NCOA7: variants seen among roughly 807,000 people sequenced by gnomAD.
NCOA7 encodes nuclear receptor coactivator 7.
In NCOA7, 45 loss-of-function variants were observed where a neutral mutation model predicts 104.3. The observed-to-expected ratio is 0.43, with a 90% CI of 0.34 to 0.55. The LOEUF is 0.55. Ranked by LOEUF, NCOA7 falls within the 20% of genes least tolerant of loss-of-function variation. The probability of loss-of-function intolerance (pLI) is 0.02; values close to 1 mark genes in which losing one functional copy is unlikely to be tolerated. For synonymous variants in NCOA7, 398 were observed against 402.3 expected, an observed-to-expected ratio of 0.99 and a Z score of 0.13; for missense variants, 1,041 against 1,119.7, an observed-to-expected ratio of 0.93 and a Z score of 1.00.
At chr6:125,886,164 GAAAA>G (rs57159294) in intron 8 of NCOA7, among the ~76,000 whole-genome samples, 1 of 115,932 alleles carries the variant, frequency 8.6e-6, no homozygotes, top group Non-Finnish European at 1.8e-5. Flanking sequence ...GGGCTTATAT[GAAAA>G]AAAAAAAAAA....
chr6:125,905,167 G>A (rs1229891713), intron 10 of NCOA7, among the ~76,000 whole-genome samples: 5 of 152,190 alleles, frequency 3.3e-5, no homozygotes, highest in South Asian at 2.1e-4. Flanking sequence ...AGGTTAAAAC[G>A]GGTGATGACT....
intron 2 of NCOA7, 60 bp downstream of exon 2, chr6:125,815,464 T>C: frequency 7.3e-7 from 1 of 1,372,834 alleles, no homozygotes; most frequent in Non-Finnish European, 1.0e-6. Context: ...GAGGGGACTT[T>C]GTCCTCAAGT....
In NCOA7 at chr6:125,928,037, A is replaced by G. The variant is rs988330977; in HGVS notation, c.2620-137A>G. On this transcript the variant is annotated intron_variant, in intron 14 of 15. Coordinates refer to ENST00000392477, the MANE Select transcript of NCOA7 (RefSeq NM_181782.5). Reference sequence around the variant, plus strand: ...GGGAGATCTCATCCTGGTGTGGGCCAGGTCTGGCAGTCAGGAACTTCCTCC... The same window carrying G: ...GGGAGATCTCATCCTGGTGTGGGCCGGGTCTGGCAGTCAGGAACTTCCTCC... 9 of 827,658 alleles carry G rather than the reference A, an allele frequency of 1.1e-5. No homozygotes were observed. In the African/African-American group the frequency reaches 1.2e-4, roughly 11 times the overall value. The allele number at this position is 827,658 out of a possible 1,614,324, so 51.3% of individuals were successfully genotyped here.
rs1308499145 is a variant in NCOA7 at position 125,894,002 on chromosome 6, T to G, written c.2096+3192T>G. On this transcript the variant is annotated intron_variant, in intron 10 of 15. Coordinates refer to ENST00000392477, the MANE Select transcript of NCOA7 (RefSeq NM_181782.5). ...TGGTGTGCTGGGGAGATCTGCAGTT[T>G]CCACAACTCTACTTATAAACCTGGG... 2.0e-5 allele frequency among the ~76,000 whole-genome samples: 3 copies of G among 152,320 alleles called. No individual in the cohort carries two copies. The East Asian group carries it at 5.8e-4, about 29-fold the overall frequency.
At chr6:125,823,509 T>G (rs1778387657) in intron 2 of NCOA7, among the ~76,000 whole-genome samples, 1 of 152,238 alleles carries the variant, frequency 6.6e-6, no homozygotes, top group Non-Finnish European at 1.5e-5. Context: ...TTAAGGCTTA[T>G]ATTTTGTATT....
intron 2 of NCOA7, among the ~76,000 whole-genome samples, chr6:125,838,340 A>G (rs1779808945): frequency 6.6e-6 from 1 of 152,140 alleles, no homozygotes; most frequent in African/African-American, 2.4e-5. Flanking sequence ...TAGTCTTGTT[A>G]TACAGATGAA....
chr6:125,882,605 A>C, intron 7 of NCOA7, 54 bp downstream of exon 7: 1 of 1,582,162 alleles, frequency 6.3e-7, no homozygotes. Flanking sequence ...AAAACTAAAC[A>C]AAGTTACAAA....
At chr6:125,822,160 T>C (rs1447816784) in intron 2 of NCOA7, among the ~76,000 whole-genome samples, 2 of 152,264 alleles carry the variant, frequency 1.3e-5, no homozygotes, top group Non-Finnish European at 2.9e-5. Flanking sequence ...TCTTAAATCA[T>C]CTTTAGTATG....
At chr6:125,881,066 C>A in intron 5 of NCOA7, 24 bp from the exon 6 acceptor site, 1 of 1,484,998 alleles carries the variant, frequency 6.7e-7, no homozygotes, top group Non-Finnish European at 9.4e-7. Flanking sequence ...TGGTACTCAC[C>A]CATCTGTTCT....
intron 3 of NCOA7, among the ~76,000 whole-genome samples, chr6:125,866,914 A>G (rs992180461): frequency 2.0e-5 from 3 of 152,220 alleles, no homozygotes; most frequent in African/African-American, 7.2e-5. Context: ...ATGGTTTTCA[A>G]TTTGGAAACT....
At chr6:125,818,182 C>T (rs981063725) in intron 2 of NCOA7, among the ~76,000 whole-genome samples, 3 of 152,016 alleles carry the variant, frequency 2.0e-5, no homozygotes, top group African/African-American at 7.2e-5. Context: ...ATAGTGCCTT[C>T]TCAGCCTGAA....
intron 2 of NCOA7, among the ~76,000 whole-genome samples, chr6:125,842,246 C>T (rs1001349012): frequency 6.6e-6 from 1 of 152,168 alleles, no homozygotes; most frequent in African/African-American, 2.4e-5. Flanking sequence ...AATATTTCTA[C>T]AGTTTAAGTA....
intron 10 of NCOA7, among the ~76,000 whole-genome samples, chr6:125,893,176 A>G (rs1428173439): frequency 6.6e-6 from 1 of 152,092 alleles, no homozygotes; most frequent in Non-Finnish European, 1.5e-5. Flanking sequence ...GGATGTTTCT[A>G]CTTGCCTTTC....
chr6:125,916,421 C>T (rs1407773695), intron 11 of NCOA7, among the ~76,000 whole-genome samples: 1 of 152,186 alleles, frequency 6.6e-6, no homozygotes, highest in Admixed American at 6.5e-5. Context: ...TCCCTTCATC[C>T]AGTCAGGCAA....
At chr6:125,883,688 CTCTTTCCCCTAACCACCTACACCTCTTTT>C in intron 7 of NCOA7, among the ~76,000 whole-genome samples, 1 of 148,138 alleles carries the variant, frequency 6.8e-6, no homozygotes, top group East Asian at 2.0e-4. Flanking sequence ...CCCCATCCTT[CTCTTTCCCCTAACCACCTACACCTCTTTT>C]TTTTTTTTTT....
At chr6:125,805,245 G>A (rs1776337101) in intron 1 of NCOA7, among the ~76,000 whole-genome samples, 1 of 151,778 alleles carries the variant, frequency 6.6e-6, no homozygotes, top group Non-Finnish European at 1.5e-5. Context: ...ACAGGAATGC[G>A]CCATCATGCT....
chr6:125,845,833 C>G (rs28643325), intron 2 of NCOA7, among the ~76,000 whole-genome samples: 2 of 152,110 alleles, frequency 1.3e-5, no homozygotes, highest in Non-Finnish European at 2.9e-5. Context: ...ATACATCCAC[C>G]GAACCTGTAT....
intron 3 of NCOA7, among the ~76,000 whole-genome samples, chr6:125,861,746 G>C (rs1782065933): frequency 6.6e-6 from 1 of 152,030 alleles, no homozygotes; most frequent in Non-Finnish European, 1.5e-5. Context: ...GAATGAAAGT[G>C]ATAAGAGAAG....
intron 10 of NCOA7, among the ~76,000 whole-genome samples, chr6:125,892,228 G>GT: frequency 6.6e-6 from 1 of 151,916 alleles, no homozygotes. Context: ...AGACAATTGT[G>GT]TTTTTTTCAA....
Sources: gnomAD v4.1 joint callset for allele counts (sites outside exome capture counted in the v4.1 genomes callset) on GRCh38, gnomAD v4.1.1 for gene constraint, MANE v1.5 for transcripts, NCBI Gene and HGNC (gene_info 2026-07-23, HGNC 2026-07-21) for gene names.